The following ADAMTS12 variants were observed in gnomAD, a reference collection of about 807,000 sequenced individuals.
ADAMTS12 encodes A disintegrin and metalloproteinase with thrombospondin motifs 12.
ADAMTS12 carries 118 observed loss-of-function variants against 167.8 expected under a neutral mutation model. The ratio of observed to expected loss-of-function variants is 0.70; its 90% confidence interval spans 0.61 to 0.82. The LOEUF (loss-of-function observed/expected upper bound fraction) is 0.82. ADAMTS12 is among the 40% of genes least tolerant of loss of function. ADAMTS12 has a pLI of 0.00. For missense variants in ADAMTS12, 1,916 were observed against 1,998.8 expected (o/e 0.96, Z 0.79); for synonymous variants, 704 against 716.9 (o/e 0.98, Z 0.29).
chr5:33,735,131 T>TA (rs1744325547), intron 3 of ADAMTS12, among the ~76,000 whole-genome samples: 2 of 152,348 alleles, frequency 1.3e-5, no homozygotes, highest in South Asian at 4.1e-4. Flanking sequence ...TCCCAACCCT[T>TA]ACTGATGAAG....
intron 2 of ADAMTS12, among the ~76,000 whole-genome samples, chr5:33,830,294 A>C (rs533526526): frequency 6.6e-6 from 1 of 152,274 alleles, no homozygotes; most frequent in South Asian, 2.1e-4. Flanking sequence ...AAATGGCAAA[A>C]AGGAGGTAAG....
chr5:33,739,982 C>T (rs1198497191), intron 3 of ADAMTS12, among the ~76,000 whole-genome samples: 1 of 152,168 alleles, frequency 6.6e-6, no homozygotes, highest in African/African-American at 2.4e-5. Flanking sequence ...GTCAAGATTG[C>T]TTTGTTTCTA....
chr5:33,539,422 T>C (rs930707216), intron 22 of ADAMTS12, among the ~76,000 whole-genome samples: 1 of 152,218 alleles, frequency 6.6e-6, no homozygotes, highest in Non-Finnish European at 1.5e-5. Flanking sequence ...TAAGTCTGAC[T>C]ATGCCTAAAG....
At chr5:33,850,739 T>G (rs756558480) in intron 2 of ADAMTS12, among the ~76,000 whole-genome samples, 11 of 151,770 alleles carry the variant, frequency 7.2e-5, no homozygotes, top group Admixed American at 2.0e-4. Context: ...AAAGAGAGAG[T>G]TTTTTCCCAT....
At chr5:33,815,018 A>G (rs911695586) in intron 2 of ADAMTS12, among the ~76,000 whole-genome samples, 1 of 152,182 alleles carries the variant, frequency 6.6e-6, no homozygotes, top group African/African-American at 2.4e-5. Context: ...AGAGTTGCCA[A>G]CTCAGGTGCT....
chr5:33,789,669 A>G (rs891992725), intron 2 of ADAMTS12, among the ~76,000 whole-genome samples: 1 of 152,228 alleles, frequency 6.6e-6, no homozygotes, highest in Non-Finnish European at 1.5e-5. Flanking sequence ...TGATAGAAAC[A>G]CACACAGCGT....
At chr5:33,829,925 C>T (rs1405182116) in intron 2 of ADAMTS12, among the ~76,000 whole-genome samples, 1 of 152,128 alleles carries the variant, frequency 6.6e-6, no homozygotes, top group African/African-American at 2.4e-5. Flanking sequence ...TTCAGAGAGC[C>T]CTTTCCATAA....
intron 3 of ADAMTS12, among the ~76,000 whole-genome samples, chr5:33,735,245 CTAG>C (rs1172501922): frequency 5.3e-5 from 8 of 152,264 alleles, no homozygotes; most frequent in African/African-American, 1.9e-4. Context: ...GTGCCCCACC[CTAG>C]GGTTTTCGAT....
At chr5:33,865,704 T>C (rs927093953) in intron 2 of ADAMTS12, among the ~76,000 whole-genome samples, 7 of 152,112 alleles carry the variant, frequency 4.6e-5, no homozygotes, top group African/African-American at 7.2e-5. Flanking sequence ...ACTGTATAAC[T>C]AGAAAACCCT....
intron 11 of ADAMTS12, among the ~76,000 whole-genome samples, chr5:33,640,190 G>T (rs1425110485): frequency 3.3e-5 from 5 of 152,200 alleles, no homozygotes; most frequent in African/African-American, 1.2e-4. Flanking sequence ...CCAAATCTAT[G>T]ATGCGGTGCC....
At chr5:33,777,286 T>C (rs1187287510) in intron 2 of ADAMTS12, among the ~76,000 whole-genome samples, 2 of 151,952 alleles carry the variant, frequency 1.3e-5, no homozygotes, top group Admixed American at 1.3e-4. Flanking sequence ...TAACAAAATA[T>C]TAGCAAACGA....
intron 2 of ADAMTS12, among the ~76,000 whole-genome samples, chr5:33,808,980 T>C (rs367793880): frequency 6.6e-6 from 1 of 152,250 alleles, no homozygotes; most frequent in Non-Finnish European, 1.5e-5. Flanking sequence ...TTCAATTCTT[T>C]AGGGTTACCC....
chr5:33,602,531 C>A (rs1185825615), intron 16 of ADAMTS12, among the ~76,000 whole-genome samples: 2 of 152,106 alleles, frequency 1.3e-5, no homozygotes, highest in African/African-American at 2.4e-5. Context: ...CCTACCTGAC[C>A]ATTATGGTGG....
intron 3 of ADAMTS12, among the ~76,000 whole-genome samples, chr5:33,741,768 C>T (rs1744596634): frequency 6.6e-6 from 1 of 152,150 alleles, no homozygotes; most frequent in South Asian, 2.1e-4. Flanking sequence ...GCTGGAATTA[C>T]AGGCATGTGC....
intron 2 of ADAMTS12, among the ~76,000 whole-genome samples, chr5:33,769,048 A>T (rs1370311029): frequency 6.6e-6 from 1 of 152,080 alleles, no homozygotes; most frequent in Non-Finnish European, 1.5e-5. Flanking sequence ...AATCAAAAAG[A>T]TTATAACTGG....
rs116344580 is a variant in ADAMTS12 at position 33,824,141 on chromosome 5, T to C, written c.489+56978A>G. Among the ~76,000 whole-genome samples, 1,484 of 152,302 alleles carry C rather than the reference T, an allele frequency of 9.7e-3. 24 individuals carry two copies. The highest frequency in any genetic ancestry group is 0.035 in the African/African-American group (1,443 of 41,556). ...CTTTCTTCTCAATAATAATAGATCA[T>C]AACAAGCACTAAGATATCCTAAGAA... On this transcript the variant is annotated intron_variant, in intron 2 of 23. Transcript: ENST00000504830.
intron 2 of ADAMTS12, among the ~76,000 whole-genome samples, chr5:33,818,525 T>C (rs2112498238): frequency 6.6e-6 from 1 of 152,246 alleles, no homozygotes; most frequent in East Asian, 1.9e-4. Context: ...TTGTGAGTAA[T>C]GCTGTAATTC....
intron 18 of ADAMTS12, among the ~76,000 whole-genome samples, chr5:33,583,004 TTTAAG>T (rs759769439): frequency 2.6e-5 from 4 of 152,330 alleles, no homozygotes; most frequent in Admixed American, 1.3e-4. Context: ...AATTATACTC[TTTAAG>T]TTATTTTAAA....
chr5:33,690,351 C>T (rs1579841272), intron 3 of ADAMTS12, among the ~76,000 whole-genome samples: 1 of 152,036 alleles, frequency 6.6e-6, no homozygotes, highest in East Asian at 1.9e-4. Flanking sequence ...CAAACAGCTG[C>T]CTTTAAAGAA....
Sources: allele counts gnomAD v4.1 joint callset (sites outside exome capture counted in the v4.1 genomes callset), GRCh38; gene constraint gnomAD v4.1.1; transcripts MANE v1.5; gene names NCBI Gene and HGNC (gene_info 2026-07-23, HGNC 2026-07-21).